The following RBFOX1 variants were observed in gnomAD, a reference collection of about 807,000 sequenced individuals.
The protein encoded by RBFOX1 is RNA binding fox-1 homolog 1.
Under a neutral mutation model 57.7 loss-of-function variants are expected in RBFOX1, and 8 were observed. The observed-to-expected ratio is 0.14, with a 90% CI of 0.08 to 0.25. The LOEUF (loss-of-function observed/expected upper bound fraction) is 0.25, where lower values mean the gene tolerates loss of function less well. Among genes scored for constraint, RBFOX1 ranks in the 10% least tolerant of loss-of-function variants. RBFOX1 has a pLI of 1.00. For missense variants in RBFOX1, 611 were observed against 548.5 expected, an observed-to-expected ratio of 1.11 and a Z score of -1.14; for synonymous variants, 326 against 222.4, an observed-to-expected ratio of 1.47 and a Z score of -4.15.
intron 4 of RBFOX1, among the ~76,000 whole-genome samples, chr16:5,874,779 C>G (rs980880601): frequency 6.6e-6 from 1 of 152,024 alleles, no homozygotes; most frequent in African/African-American, 2.4e-5. Flanking sequence ...CCCTCTCTCT[C>G]CAAACAATTT....
chr16:7,360,318 A>C (rs770563244), intron 4 of RBFOX1, among the ~76,000 whole-genome samples: 13 of 152,226 alleles, frequency 8.5e-5, no homozygotes, highest in Non-Finnish European at 1.5e-4. Flanking sequence ...ACTGTGGTCA[A>C]CTGAAAACAG....
intron 3 of RBFOX1, among the ~76,000 whole-genome samples, chr16:5,848,829 A>G (rs1174649135): frequency 2.0e-5 from 3 of 152,078 alleles, no homozygotes; most frequent in Non-Finnish European, 4.4e-5. Flanking sequence ...GACACCTGTA[A>G]TACTAGCTCC....
At chr16:6,743,154 C>G (rs2072704079) in intron 3 of RBFOX1, among the ~76,000 whole-genome samples, 1 of 151,966 alleles carries the variant, frequency 6.6e-6, no homozygotes, top group Non-Finnish European at 1.5e-5. Flanking sequence ...ACTGTAAACC[C>G]TTAAGTTCCC....
chr16:6,752,773 C>G (rs113824839), intron 3 of RBFOX1, among the ~76,000 whole-genome samples: 1 of 151,846 alleles, frequency 6.6e-6, no homozygotes, highest in African/African-American at 2.4e-5. Flanking sequence ...CACTTCCATC[C>G]TTTCCTGCTG....
At chr16:5,531,905 G>A (rs1293571510) in intron 2 of RBFOX1, among the ~76,000 whole-genome samples, 6 of 151,116 alleles carry the variant, frequency 4.0e-5, no homozygotes, top group East Asian at 3.9e-4. Flanking sequence ...GGGTTCAAGC[G>A]TCTCCTGCCT....
At chr16:7,464,004 C>A (rs1192347138) in intron 4 of RBFOX1, among the ~76,000 whole-genome samples, 1 of 152,182 alleles carries the variant, frequency 6.6e-6, no homozygotes, top group East Asian at 1.9e-4. Flanking sequence ...GAAGCTGAGA[C>A]CCTAGCCAGG....
intron 3 of RBFOX1, among the ~76,000 whole-genome samples, chr16:6,889,095 A>G (rs1036486046): frequency 3.3e-5 from 5 of 152,190 alleles, no homozygotes; most frequent in Admixed American, 6.5e-5. Context: ...GAGGGATATC[A>G]CAGTGGACAA....
intron 1 of RBFOX1, among the ~76,000 whole-genome samples, chr16:5,401,798 C>G (rs920896570): frequency 2.8e-5 from 4 of 142,952 alleles, no homozygotes; most frequent in Non-Finnish European, 3.1e-5. Context: ...CCTCCTCTTT[C>G]TCCTCCTCCT....
rs79394760 is a variant in RBFOX1 at position 7,626,164 on chromosome 16, C to T, written c.677-4439C>T. Among the ~76,000 whole-genome samples, 754 of 152,348 alleles carry T rather than the reference C, an allele frequency of 4.9e-3. 14 individuals are homozygous for T. Among genetic ancestry groups the T allele is most frequent in the East Asian group, 0.038 (197 of 5,182 alleles). ...AAAGGCATGGAGGTGTGAAACTGCACTGCTGTTCCGGTTTGAGTCCAGTTT... is the reference window on the plus strand; with the variant it reads ...AAAGGCATGGAGGTGTGAAACTGCATTGCTGTTCCGGTTTGAGTCCAGTTT... On this transcript the variant is annotated intron_variant, in intron 10 of 15. Coordinates refer to ENST00000550418, the MANE Select transcript of RBFOX1 (RefSeq NM_018723.4).
intron 2 of RBFOX1, among the ~76,000 whole-genome samples, chr16:6,355,163 C>G (rs1054922913): frequency 3.3e-5 from 5 of 152,032 alleles, no homozygotes; most frequent in Non-Finnish European, 7.4e-5. Context: ...ACTTTAAGTT[C>G]TGGGGTACAT....
At chr16:7,212,523 A>C (rs568456337) in intron 4 of RBFOX1, among the ~76,000 whole-genome samples, 1 of 152,266 alleles carries the variant, frequency 6.6e-6, no homozygotes, top group South Asian at 2.1e-4. Context: ...TCTCAACAGC[A>C]CCAGAATAAT....
At chr16:6,823,213 C>T (rs2091607788) in intron 3 of RBFOX1, among the ~76,000 whole-genome samples, 1 of 151,908 alleles carries the variant, frequency 6.6e-6, no homozygotes, top group Non-Finnish European at 1.5e-5. Flanking sequence ...CATTCTACTT[C>T]ACTGACCTCT....
intron 3 of RBFOX1, among the ~76,000 whole-genome samples, chr16:5,717,822 A>G (rs767870212): frequency 5.9e-5 from 9 of 152,346 alleles, no homozygotes; most frequent in Non-Finnish European, 1.3e-4. Flanking sequence ...TTCGATCCTC[A>G]CAACCACTAT....
At chr16:7,554,143 C>T (rs1334799493) in intron 5 of RBFOX1, among the ~76,000 whole-genome samples, 3 of 152,160 alleles carry the variant, frequency 2.0e-5, no homozygotes, top group Admixed American at 6.5e-5. Context: ...CCTATTCTCT[C>T]AGAGCCCAAA....
chr16:6,688,911 G>C (rs1006182295), intron 3 of RBFOX1, among the ~76,000 whole-genome samples: 7 of 152,264 alleles, frequency 4.6e-5, no homozygotes, highest in East Asian at 1.9e-4. Context: ...TCCTGTGTCA[G>C]TTTCCTGAGA....
intron 4 of RBFOX1, among the ~76,000 whole-genome samples, chr16:7,164,064 C>T (rs8064063): frequency 0.63 from 95,487 of 152,008 alleles, 30,739 homozygotes; most frequent in Non-Finnish European, 0.7. Context: ...GTGCACTCTT[C>T]ACTAAAGCAG....
At chr16:6,581,117 T>C (rs1299261669) in intron 2 of RBFOX1, among the ~76,000 whole-genome samples, 1 of 152,150 alleles carries the variant, frequency 6.6e-6, no homozygotes, top group Non-Finnish European at 1.5e-5. Flanking sequence ...CCATATACTC[T>C]AAGTGCCAGG....
intron 1 of RBFOX1, among the ~76,000 whole-genome samples, chr16:5,401,123 C>T (rs934433251): frequency 1.3e-5 from 2 of 152,058 alleles, no homozygotes; most frequent in East Asian, 3.9e-4. Context: ...TTTTCCCTAT[C>T]AAGTTTGTGC....
chr16:7,177,491 A>T (rs1224781593), intron 4 of RBFOX1, among the ~76,000 whole-genome samples: 1 of 151,828 alleles, frequency 6.6e-6, no homozygotes, highest in African/African-American at 2.4e-5. Flanking sequence ...GTATCAATAA[A>T]AAAAAAAAAG....
Sources: gnomAD v4.1 joint callset for allele counts (sites outside exome capture counted in the v4.1 genomes callset) on GRCh38, gnomAD v4.1.1 for gene constraint, MANE v1.5 for transcripts, NCBI Gene and HGNC (gene_info 2026-07-23, HGNC 2026-07-21) for gene names.